Variants in ADGRL2 observed in about 807,000 individuals in gnomAD.
ADGRL2 encodes calcium-independent alpha-latrotoxin receptor 2.
A neutral mutation model predicts 157.4 loss-of-function variants in ADGRL2; 44 were observed. The ratio of observed to expected loss-of-function variants is 0.28; its 90% CI spans 0.22 to 0.36. The LOEUF (loss-of-function observed/expected upper bound fraction) is 0.36. Among genes scored for constraint, ADGRL2 ranks in the 10% least tolerant of loss-of-function variants. The pLI is 1.00. For synonymous variants in ADGRL2, 585 were observed against 624.7 expected, an observed-to-expected ratio of 0.94 and a Z score of 0.95; for missense variants, 1,510 against 1,768.9, an observed-to-expected ratio of 0.85 and a Z score of 2.63.
At position 81,992,430 on chromosome 1, in the gene ADGRL2, A is replaced by T. The variant is rs1664725125; in HGVS notation, c.*1285A>T. 3 of 152,422 alleles carry T rather than the reference A, an allele frequency of 2.0e-5. No individual in the cohort carries two copies. Among genetic ancestry groups the T allele is most frequent in the Admixed American group, 2.0e-4 (3 of 15,272 alleles). The allele number at this position is 152,422 out of a possible 1,614,324, so 9.4% of individuals were successfully genotyped here. ...ATGTGAATTTTTTCAAGTAGTTAAC[A>T]TGTGAACTTTTATGTATGATACATA... On this transcript the variant is annotated 3_prime_UTR_variant, in exon 24 of 24. Transcript: ENST00000686636.
chr1:81,471,812 G>A (rs919078798), intron 2 of ADGRL2, among the ~76,000 whole-genome samples: 1 of 152,154 alleles, frequency 6.6e-6, no homozygotes, highest in Non-Finnish European at 1.5e-5. Context: ...TTTAAAGATA[G>A]TATCTTACCT....
intron 2 of ADGRL2, among the ~76,000 whole-genome samples, chr1:81,489,885 G>T (rs2147941674): frequency 6.6e-6 from 1 of 152,186 alleles, no homozygotes. Flanking sequence ...AAATTAAAAA[G>T]AAATTAAAGG....
chr1:81,750,806 C>A (rs1387923790), intron 1 of ADGRL2, among the ~76,000 whole-genome samples: 1 of 152,078 alleles, frequency 6.6e-6, no homozygotes, highest in Non-Finnish European at 1.5e-5. Flanking sequence ...AGCAGTGTTT[C>A]ATAGATATAG....
chr1:81,886,372 A>G (rs2094129063), intron 2 of ADGRL2, among the ~76,000 whole-genome samples: 1 of 152,182 alleles, frequency 6.6e-6, no homozygotes, highest in Non-Finnish European at 1.5e-5. Flanking sequence ...GGGTTTCACC[A>G]TGTTGGCCAG....
chr1:81,749,915 G>C (rs2085433578), intron 1 of ADGRL2, among the ~76,000 whole-genome samples: 1 of 152,172 alleles, frequency 6.6e-6, no homozygotes, highest in Non-Finnish European at 1.5e-5. Flanking sequence ...AAACAAGCCA[G>C]TAAGTAAAAT....
intron 2 of ADGRL2, among the ~76,000 whole-genome samples, chr1:81,839,640 C>T (rs868863369): frequency 2.0e-5 from 3 of 151,612 alleles, no homozygotes; most frequent in Non-Finnish European, 2.9e-5. Context: ...GTTTGGTTTT[C>T]TCTTCCTGAG....
At chr1:81,583,944 T>C (rs2080970216) in intron 3 of ADGRL2, among the ~76,000 whole-genome samples, 1 of 152,180 alleles carries the variant, frequency 6.6e-6, no homozygotes, top group Non-Finnish European at 1.5e-5. Flanking sequence ...AGCAAAGATA[T>C]TAATACGTTG....
At chr1:81,480,494 T>C (rs1157970409) in intron 2 of ADGRL2, among the ~76,000 whole-genome samples, 1 of 152,162 alleles carries the variant, frequency 6.6e-6, no homozygotes, top group African/African-American at 2.4e-5. Context: ...ACATTATAAG[T>C]TTTAATTTCA....
chr1:81,910,928 C>T lies in ADGRL2; in HGVS notation c.287+3698C>T, dbSNP rs183446207. On this transcript the variant is annotated intron_variant, in intron 3 of 23. Transcript: ENST00000686636. ...CCATTAAATTTGAAAGCCCCCCTTCCTTTTTTTTTTTACATGTGATGATAG... is the reference window on the plus strand; with the variant it reads ...CCATTAAATTTGAAAGCCCCCCTTCTTTTTTTTTTTTACATGTGATGATAG... Among the ~76,000 whole-genome samples, 370 of 144,490 alleles carry T rather than the reference C, an allele frequency of 2.6e-3. 2 individuals carry two copies. The highest frequency in any genetic ancestry group is 7.2e-3 in the Middle Eastern group (2 of 276). 94.8% of individuals were successfully genotyped at this position (144,490 alleles called of 152,430 possible).
At chr1:81,460,365 T>C (rs1229426978) in intron 2 of ADGRL2, among the ~76,000 whole-genome samples, 2 of 152,062 alleles carry the variant, frequency 1.3e-5, no homozygotes, top group Non-Finnish European at 2.9e-5. Flanking sequence ...CTAAAGTAGA[T>C]ATTTGTTTCA....
chr1:81,784,270 AAGTAG>A (rs2086935643), intron 2 of ADGRL2, among the ~76,000 whole-genome samples: 1 of 152,218 alleles, frequency 6.6e-6, no homozygotes, highest in Non-Finnish European at 1.5e-5. Flanking sequence ...TTACTTAAAA[AAGTAG>A]TATCTGTGAC....
intron 2 of ADGRL2, among the ~76,000 whole-genome samples, chr1:81,533,709 A>AC (rs1475340973): frequency 2.6e-5 from 4 of 152,318 alleles, no homozygotes; most frequent in Admixed American, 2.6e-4. Context: ...AGTCTTACAA[A>AC]TGTGTGTAAA....
chr1:81,422,667 A>G (rs758847064), intron 1 of ADGRL2, among the ~76,000 whole-genome samples: 6 of 152,276 alleles, frequency 3.9e-5, no homozygotes, highest in Admixed American at 1.3e-4. Context: ...TTAAGAAATT[A>G]TAAGAGTCTG....
chr1:81,828,771 T>C (rs2091707242), intron 1 of ADGRL2, among the ~76,000 whole-genome samples: 1 of 152,202 alleles, frequency 6.6e-6, no homozygotes, highest in Non-Finnish European at 1.5e-5. Context: ...AAACATAAAT[T>C]TTAATTTAAT....
intron 2 of ADGRL2, among the ~76,000 whole-genome samples, chr1:81,496,256 A>C (rs538345518): frequency 4.6e-5 from 7 of 152,196 alleles, no homozygotes; most frequent in Non-Finnish European, 8.8e-5. Context: ...ATTTTATCAA[A>C]AAGAACTTTT....
intron 1 of ADGRL2, among the ~76,000 whole-genome samples, chr1:81,703,748 T>A (rs1249363499): frequency 1.3e-5 from 2 of 152,242 alleles, no homozygotes; most frequent in Non-Finnish European, 2.9e-5. Flanking sequence ...ACTTAAACAT[T>A]AACTTGTGCC....
intron 1 of ADGRL2, among the ~76,000 whole-genome samples, chr1:81,386,517 A>C (rs1225969182): frequency 6.6e-6 from 1 of 152,142 alleles, no homozygotes; most frequent in Non-Finnish European, 1.5e-5. Flanking sequence ...TTTCTCTGCA[A>C]CAATCTAGAA....
chr1:81,604,663 C>A (rs1429511895), intron 3 of ADGRL2, among the ~76,000 whole-genome samples: 2 of 152,088 alleles, frequency 1.3e-5, no homozygotes, highest in African/African-American at 4.8e-5. Context: ...AGCTGGCCAC[C>A]CTACCAAGGG....
At chr1:81,970,261 G>T (rs923005624) in intron 15 of ADGRL2, 53 bp from the exon 16 acceptor site, 33 of 1,186,394 alleles carry the variant, frequency 2.8e-5, no homozygotes, top group South Asian at 2.4e-4. Context: ...TTTGGAGTGG[G>T]CTATTTTTAT....
Sources: gnomAD v4.1 joint callset for allele counts (sites outside exome capture counted in the v4.1 genomes callset) on GRCh38, gnomAD v4.1.1 for gene constraint, MANE v1.5 for transcripts, NCBI Gene and HGNC (gene_info 2026-07-23, HGNC 2026-07-21) for gene names.